The following KCNK3 variants were observed in gnomAD, a reference collection of about 807,000 sequenced individuals.
KCNK3 encodes potassium two pore domain channel subfamily K member 3, also known as potassium channel subfamily K member 3.
Under a neutral mutation model 27.3 loss-of-function variants are expected in KCNK3, and 9 were observed. The observed-to-expected ratio is 0.33, with a 90% CI of 0.20 to 0.57. KCNK3 has a LOEUF of 0.57. KCNK3 is among the 20% of genes least tolerant of loss of function. KCNK3 has a pLI of 0.87. For missense variants in KCNK3, 391 were observed against 577.7 expected, an observed-to-expected ratio of 0.68 and a Z score of 3.31; for synonymous variants, 278 against 273.8, an observed-to-expected ratio of 1.02 and a Z score of -0.15.
At position 26,703,551 on chromosome 2, in the gene KCNK3, G is replaced by A. The variant is rs1670334702; in HGVS notation, c.283+10393G>A. Among the ~76,000 whole-genome samples the A allele has an allele frequency of 1.3e-5, 2 of 152,224 alleles. 1 individual carries two copies. Among genetic ancestry groups the A allele is most frequent in the Admixed American group, 1.3e-4 (2 of 15,288 alleles). On this transcript the variant is annotated intron_variant, in intron 1 of 1. Transcript: ENST00000302909. Reference sequence around the variant, plus strand: ...CTCAGGAGTGTCCTTGGGGCCCTGAGGCCCTCTGGGTCCCCTTCCAAATTG... The same window carrying A: ...CTCAGGAGTGTCCTTGGGGCCCTGAAGCCCTCTGGGTCCCCTTCCAAATTG...
intron 1 of KCNK3, among the ~76,000 whole-genome samples, chr2:26,696,380 T>C (rs181097232): frequency 1.3e-5 from 2 of 152,336 alleles, no homozygotes; most frequent in African/African-American, 4.8e-5. Flanking sequence ...CCAGTGCTCT[T>C]TCCCTGCTGG....
intron 1 of KCNK3, among the ~76,000 whole-genome samples, chr2:26,726,094 C>T (rs1025831073): frequency 3.8e-5 from 4 of 105,812 alleles, no homozygotes; most frequent in Admixed American, 8.7e-5. Flanking sequence ...CACACACACA[C>T]ACACACACAC....
At chr2:26,708,476 C>A (rs1670402599) in intron 1 of KCNK3, among the ~76,000 whole-genome samples, 1 of 152,114 alleles carries the variant, frequency 6.6e-6, no homozygotes. Flanking sequence ...GAGTTTGAGA[C>A]CAGCCTGGCC....
intron 1 of KCNK3, among the ~76,000 whole-genome samples, chr2:26,702,777 G>C (rs1372269815): frequency 1.3e-5 from 2 of 152,110 alleles, no homozygotes; most frequent in African/African-American, 4.8e-5. Context: ...TAGGCTGGTA[G>C]GGGCTGGCTT....
rs1036650831 is a variant in KCNK3, at chr2:26,730,189, A to C, written c.*1621A>C. Reference sequence around the variant, plus strand: ...CAGAAAGGCCAGGATCTGGGGCTCTAGGAATTTGGGAATTGGGCAGAGTGG... The same window carrying C: ...CAGAAAGGCCAGGATCTGGGGCTCTCGGAATTTGGGAATTGGGCAGAGTGG... On this transcript the variant is annotated 3_prime_UTR_variant, in exon 2 of 2. Coordinates refer to ENST00000302909, the MANE Select transcript of KCNK3 (RefSeq NM_002246.3). The C allele has an allele frequency of 2.6e-5, 4 of 152,522 alleles. No homozygotes were observed. The highest frequency in any genetic ancestry group is 4.4e-5 in the Non-Finnish European group (3 of 68,284). 9.4% of individuals were successfully genotyped at this position (152,522 alleles called of 1,614,324 possible). A position where few individuals can be genotyped will look rare whatever the true frequency, so the allele number is the denominator to read the frequency against.
Position 26,727,986 on chromosome 2 carries a change from C to T in KCNK3, c.603C>T (p.Gly201=). ...YYCFITLTTI[G]FGDYVALQKD... ...GCTTCATCACCCTCACCACCATCGG[C>T]TTCGGCGACTACGTGGCGCTGCAGA... Residue 201 remains glycine, a synonymous_variant, in exon 2 of 2, where the codon GGC becomes GGT. Transcript: ENST00000302909. The T allele has an allele frequency of 6.2e-7, 1 of 1,614,272 alleles. No individual in the cohort carries two copies. Among genetic ancestry groups the T allele is most frequent in the Non-Finnish European group, 8.5e-7 (1 of 1,180,048 alleles).
In KCNK3 at chr2:26,693,191, A is replaced by AG; in HGVS notation, c.283+36dup. 9.8e-7 allele frequency: 1 copy of AG among 1,023,000 alleles called. No individual in the cohort carries two copies. Among genetic ancestry groups the AG allele is most frequent in the Non-Finnish European group, 1.2e-6 (1 of 822,420 alleles). The allele number at this position is 1,023,000 out of a possible 1,614,324, so 63.4% of individuals were successfully genotyped here. On this transcript the variant is annotated intron_variant, in intron 1 of 1. Coordinates refer to ENST00000302909, the MANE Select transcript of KCNK3 (RefSeq NM_002246.3). This position sits in a 1 kb window ranked among gnomAD's most constrained non-coding sequence, Gnocchi z 5.5. ...CTCGCCGGGCGGGGGGCGGGAACCC[A>AG]GGGCTGGGCGCGGGGCTCCGGGAGT...
At chr2:26,720,001 G>A (rs1316338582) in intron 1 of KCNK3, among the ~76,000 whole-genome samples, 1 of 152,158 alleles carries the variant, frequency 6.6e-6, no homozygotes, top group African/African-American at 2.4e-5. Flanking sequence ...CGTGGCTCAT[G>A]CCTGTAATCC....
At chr2:26,694,871 C>T (rs763326900) in intron 1 of KCNK3, among the ~76,000 whole-genome samples, 53 of 152,124 alleles carry the variant, frequency 3.5e-4, no homozygotes, top group Non-Finnish European at 8.8e-5. Flanking sequence ...GTCCCCTTTC[C>T]TTCTCAGGCC....
In KCNK3 at chr2:26,727,839, C is replaced by T. The variant is rs112956865; in HGVS notation, c.456C>T (p.Ala152=). The change falls in exon 2 of 2, where the codon GCC becomes GCT. Residue 152 remains alanine (A), a synonymous_variant. Coordinates refer to ENST00000302909, the MANE Select transcript of KCNK3 (RefSeq NM_002246.3). ...RAKKGLGMRR[A]DVSMANMVLI... The stretch of plus-strand genomic sequence containing the variant: ...AGAAGGGGCTGGGCATGCGGCGCGC[C>T]GACGTGTCCATGGCCAACATGGTGC... 30 of 1,612,502 alleles carry T rather than the reference C, an allele frequency of 1.9e-5. No homozygotes were observed. The African/African-American group carries it at 2.1e-4, about 11-fold the overall frequency.
intron 1 of KCNK3, among the ~76,000 whole-genome samples, chr2:26,717,574 G>A (rs1007717191): frequency 6.6e-6 from 1 of 152,224 alleles, no homozygotes; most frequent in Non-Finnish European, 1.5e-5. Flanking sequence ...TGTTCCTGGT[G>A]GATTCATTTA....
chr2:26,715,752 G>A (rs1663219826), intron 1 of KCNK3, among the ~76,000 whole-genome samples: 1 of 152,206 alleles, frequency 6.6e-6, no homozygotes, highest in African/African-American at 2.4e-5. Flanking sequence ...CTTCAGCTGG[G>A]GAATGTTACA....
chr2:26,726,779 G>A (rs561854625), intron 1 of KCNK3, among the ~76,000 whole-genome samples: 99 of 151,964 alleles, frequency 6.5e-4, no homozygotes, highest in African/African-American at 2.2e-3. Context: ...GCTCAGGGTG[G>A]GCCAGGGTGG....
At chr2:26,706,321 C>T (rs1276961230) in intron 1 of KCNK3, among the ~76,000 whole-genome samples, 1 of 152,138 alleles carries the variant, frequency 6.6e-6, no homozygotes, top group Non-Finnish European at 1.5e-5. Context: ...TGGAGAGGGC[C>T]TCAGTAGGGG....
rs553486189 is a variant in KCNK3 at position 26,702,469 on chromosome 2, G to A, written c.283+9311G>A. On this transcript the variant is annotated intron_variant, in intron 1 of 1. Transcript: ENST00000302909. Reference sequence around the variant, plus strand: ...CTTCAAATATCTGCTGGGCTATTGTGAGGTGAAAGAACCAATCTTGCTCTG... The same window carrying A: ...CTTCAAATATCTGCTGGGCTATTGTAAGGTGAAAGAACCAATCTTGCTCTG... Among the ~76,000 whole-genome samples, 4 of 152,284 alleles carry A rather than the reference G, an allele frequency of 2.6e-5. No individual in the cohort carries two copies. In the East Asian group the frequency reaches 7.7e-4, roughly 29 times the overall value.
At chr2:26,710,473 C>G (rs992926241) in intron 1 of KCNK3, among the ~76,000 whole-genome samples, 3 of 152,192 alleles carry the variant, frequency 2.0e-5, no homozygotes, top group Admixed American at 6.5e-5. Context: ...TGCCACCACT[C>G]ACACACAGGC....
chr2:26,714,627 T>C (rs1274464824), intron 1 of KCNK3, among the ~76,000 whole-genome samples: 2 of 151,224 alleles, frequency 1.3e-5, no homozygotes, highest in Non-Finnish European at 2.9e-5. Flanking sequence ...GGCTCAGGCC[T>C]GTAATCCCAG....
At chr2:26,697,212 T>C (rs1226757727) in intron 1 of KCNK3, among the ~76,000 whole-genome samples, 1 of 152,106 alleles carries the variant, frequency 6.6e-6, no homozygotes, top group Non-Finnish European at 1.5e-5. Context: ...CAAGAGCCCA[T>C]TCCATGCTGG....
chr2:26,701,984 A>G (rs1670313673), intron 1 of KCNK3, among the ~76,000 whole-genome samples: 1 of 152,184 alleles, frequency 6.6e-6, no homozygotes, highest in Non-Finnish European at 1.5e-5. Flanking sequence ...AAGTTCAGGG[A>G]TACACATTCA....
Sources: allele counts gnomAD v4.1 joint callset (sites outside exome capture counted in the v4.1 genomes callset), GRCh38; gene constraint gnomAD v4.1.1; non-coding constraint Gnocchi (gnomAD v3.1); transcripts MANE v1.5; gene names NCBI Gene and HGNC (gene_info 2026-07-23, HGNC 2026-07-21).